The following ATP2C2 variants were observed in gnomAD, a reference collection of about 807,000 sequenced individuals.
The protein encoded by ATP2C2 is calcium-transporting ATPase type 2C member 2.
Under a neutral mutation model 110.8 loss-of-function variants are expected in ATP2C2, and 171 were observed. The observed-to-expected ratio is 1.54, with a 90% confidence interval of 1.36 to 1.75. ATP2C2 has a LOEUF of 1.75. ATP2C2 is among the 40% of genes most tolerant of loss of function. The probability of loss-of-function intolerance (pLI) is 0.00; values close to 1 mark genes in which losing one functional copy is unlikely to be tolerated. For synonymous variants in ATP2C2, 804 were observed against 508.4 expected (o/e 1.58, Z -7.82); for missense variants, 1,963 against 1,235.0 (o/e 1.59, Z -8.84).
intron 2 of ATP2C2, among the ~76,000 whole-genome samples, chr16:84,399,261 C>G (rs1211135262): frequency 1.3e-5 from 2 of 152,194 alleles, no homozygotes; most frequent in African/African-American, 4.8e-5. Context: ...AAGCTAGTGT[C>G]TTTTCTTGAG....
chr16:84,462,197 G>C (rs1265886843), intron 26 of ATP2C2, 68 bp downstream of exon 26: 11 of 1,564,864 alleles, frequency 7.0e-6, no homozygotes, highest in Non-Finnish European at 9.5e-6. Flanking sequence ...GCTGCCAGGT[G>C]GGGAGCTGCA....
Position 84,435,697 on chromosome 16 carries a change from G to A in ATP2C2, c.987-3469G>A, listed in dbSNP as rs867044622. Among the ~76,000 whole-genome samples, 7 of 107,400 alleles carry A rather than the reference G, an allele frequency of 6.5e-5. 1 individual carries two copies. The South Asian group carries it at 2.5e-3, about 38-fold the overall frequency. The allele number at this position is 107,400 out of a possible 152,430, so 70.5% of individuals were successfully genotyped here. A position where few individuals can be genotyped will look rare whatever the true frequency, so the allele number is the denominator to read the frequency against. On this transcript the variant is annotated intron_variant, in intron 11 of 26. Coordinates refer to ENST00000262429, the MANE Select transcript of ATP2C2 (RefSeq NM_014861.4). ...TTTAAATTAGGGAGTAAATAGTGGT[G>A]CATGCCTATGTCCCGGCTACCAGGG...
chr16:84,415,448 A>G (rs745923433), intron 6 of ATP2C2, 35 bp from the exon 7 acceptor site: 5 of 1,560,832 alleles, frequency 3.2e-6, no homozygotes, highest in Non-Finnish European at 4.4e-6. Context: ...AAATGTCAGC[A>G]TGGATGCTTT....
At chr16:84,416,198 C>T (rs1450398717) in intron 7 of ATP2C2, among the ~76,000 whole-genome samples, 1 of 152,154 alleles carries the variant, frequency 6.6e-6, no homozygotes, top group Non-Finnish European at 1.5e-5. Flanking sequence ...GGTTTGGGGA[C>T]ATTGGCTGTG....
intron 3 of ATP2C2, among the ~76,000 whole-genome samples, chr16:84,405,980 TAA>T (rs1905731966): frequency 1.3e-5 from 2 of 152,310 alleles, no homozygotes; most frequent in South Asian, 2.1e-4. Flanking sequence ...ATTTCTAGTA[TAA>T]GTGTGTCCCA....
intron 7 of ATP2C2, among the ~76,000 whole-genome samples, chr16:84,421,161 C>G (rs1907300254): frequency 6.6e-6 from 1 of 152,172 alleles, no homozygotes. Context: ...GTTCTTTGAG[C>G]CTCCTTCAAA....
Position 84,447,322 on chromosome 16 carries a change from C to G in ATP2C2, c.1503+892C>G, listed in dbSNP as rs187624463. The stretch of plus-strand genomic sequence containing the variant: ...ATAGATTTTCAAAAAACTTTTAGAC[C>G]TTTAAATCTTTTCCCTTGCAAGGCA... On this transcript the variant is annotated intron_variant, in intron 16 of 26. Coordinates refer to ENST00000262429, the MANE Select transcript of ATP2C2 (RefSeq NM_014861.4). 3.7e-3 allele frequency among the ~76,000 whole-genome samples: 570 copies of G among 152,212 alleles called. 3 individuals are homozygous for G. Among genetic ancestry groups the G allele is most frequent in the Non-Finnish European group, 6.9e-3 (468 of 68,010 alleles).
chr16:84,390,291 C>G (rs1046142507), intron 1 of ATP2C2, among the ~76,000 whole-genome samples: 2 of 152,220 alleles, frequency 1.3e-5, no homozygotes, highest in African/African-American at 4.8e-5. Context: ...GCCGCTGGCT[C>G]CCTTGCTCTG....
intron 11 of ATP2C2, among the ~76,000 whole-genome samples, chr16:84,427,607 C>T (rs1907912998): frequency 6.6e-6 from 1 of 152,094 alleles, no homozygotes; most frequent in South Asian, 2.1e-4. Flanking sequence ...ATCCCAGCTA[C>T]TCGGGAGGCT....
At chr16:84,380,653 G>A (rs1382875443) in intron 1 of ATP2C2, among the ~76,000 whole-genome samples, 1 of 152,272 alleles carries the variant, frequency 6.6e-6, no homozygotes, top group Non-Finnish European at 1.5e-5. Flanking sequence ...TACAGCCCAG[G>A]CTGCCTGGAT....
chr16:84,437,188 G>C (rs1908820843), intron 11 of ATP2C2, among the ~76,000 whole-genome samples: 1 of 152,092 alleles, frequency 6.6e-6, no homozygotes, highest in Admixed American at 6.6e-5. Flanking sequence ...GTCCATTTTA[G>C]AATATTTTAT....
rs1292648518 is a variant in ATP2C2 at position 84,410,777 on chromosome 16, C to T, written c.515+12C>T. On this transcript the variant is annotated intron_variant, in intron 6 of 26. Transcript: ENST00000262429. The stretch of plus-strand genomic sequence containing the variant: ...CCAGAATGTAACTGGTAAGTCAGAG[C>T]CTCCCTGGGACTTTTTGGTTCACTG... 6.2e-7 allele frequency: 1 copy of T among 1,612,910 alleles called. No individual in the cohort carries two copies. Among genetic ancestry groups the T allele is most frequent in the Non-Finnish European group, 8.5e-7 (1 of 1,178,990 alleles).
intron 20 of ATP2C2, 139 bp downstream of exon 20, chr16:84,453,510 C>T (rs1464863382): frequency 1.7e-6 from 2 of 1,161,402 alleles, no homozygotes; most frequent in Admixed American, 1.8e-5. Flanking sequence ...GGCAGCTGCC[C>T]CGGGAGTTAC....
At chr16:84,389,534 G>A (rs570445988) in intron 1 of ATP2C2, among the ~76,000 whole-genome samples, 1 of 152,276 alleles carries the variant, frequency 6.6e-6, no homozygotes, top group African/African-American at 2.4e-5. Flanking sequence ...GTGTTTATCT[G>A]GAGTGCAAAG....
At chr16:84,448,325 C>T (rs1201441426) in intron 16 of ATP2C2, among the ~76,000 whole-genome samples, 2 of 152,194 alleles carry the variant, frequency 1.3e-5, no homozygotes, top group African/African-American at 2.4e-5. Flanking sequence ...TGGCCTTGTT[C>T]TTTCTCTGGA....
At position 84,439,167 on chromosome 16, in the gene ATP2C2, C is replaced by T; in HGVS notation, c.988C>T (p.Leu330=). Residue 330 remains leucine, a splice_region_variant and synonymous_variant, in exon 12 of 27, where the codon CTG becomes TTG. Transcript: ENST00000262429. The stretch of plus-strand genomic sequence containing the variant: ...GACTCATTTGACCTTTCGATCCAGC[C>T]TGGCTGTGGCGGCCATTCCAGAGGG... ...LLSMFTIGVS[L]AVAAIPEGLP... 6.2e-7 allele frequency: 1 copy of T among 1,612,212 alleles called. No homozygotes were observed. The highest frequency in any genetic ancestry group is 1.7e-5 in the Admixed American group (1 of 60,032).
Position 84,439,592 on chromosome 16 carries a change from G to A in ATP2C2, c.1209+68G>A, listed in dbSNP as rs2150566742. 3 of 1,355,706 alleles carry A rather than the reference G, an allele frequency of 2.2e-6. No individual in the cohort carries two copies. In the East Asian group the frequency reaches 6.9e-5, roughly 31 times the overall value. The allele number at this position is 1,355,706 out of a possible 1,614,324, so 84.0% of individuals were successfully genotyped here. On this transcript the variant is annotated intron_variant, in intron 13 of 26. Coordinates refer to ENST00000262429, the MANE Select transcript of ATP2C2 (RefSeq NM_014861.4). ...CCAGGCTGTCTCCTTTCTAAACTAAGCACACAATGTCTTCTAGAACACAAT... is the reference window on the plus strand; with the variant it reads ...CCAGGCTGTCTCCTTTCTAAACTAAACACACAATGTCTTCTAGAACACAAT...
rs377115423 is a variant in ATP2C2 at position 84,439,245 on chromosome 16, A to G, written c.1066A>G (p.Lys356Glu). The G allele has an allele frequency of 2.0e-4, 326 of 1,612,290 alleles. 2 individuals are homozygous for G. The highest frequency in any genetic ancestry group is 1.6e-3 in the South Asian group (145 of 91,000). The part of the protein sequence containing the change: ...TLVLGVLRMA[K>E]KRVIVKKLPI... Reference sequence around the variant, plus strand: ...GGTCCTGGGAGTGCTGCGGATGGCCAAGAAGCGGGTCATCGTGAAGAAGTT... The same window carrying G: ...GGTCCTGGGAGTGCTGCGGATGGCCGAGAAGCGGGTCATCGTGAAGAAGTT... The change falls in exon 12 of 27, where the codon AAG becomes GAG. Residue 356 changes from lysine (K) to glutamate (E), a missense_variant. Transcript: ENST00000262429.
In ATP2C2 at chr16:84,389,670, G is replaced by C. The variant is rs544715676; in HGVS notation, c.100-8829G>C. On this transcript the variant is annotated intron_variant, in intron 1 of 26. Coordinates refer to ENST00000262429, the MANE Select transcript of ATP2C2 (RefSeq NM_014861.4). ...CACCGCTGTCACCCTAAGGCCCTCA[G>C]TGCTCCCTGGTGCTGGGCTCTGTGC... Among the ~76,000 whole-genome samples the C allele has an allele frequency of 1.2e-3, 181 of 151,222 alleles. 2 individuals carry two copies. The highest frequency in any genetic ancestry group is 4.4e-3 in the African/African-American group (179 of 41,126).
Sources: gnomAD v4.1 joint callset for allele counts (sites outside exome capture counted in the v4.1 genomes callset) on GRCh38, gnomAD v4.1.1 for gene constraint, MANE v1.5 for transcripts, NCBI Gene and HGNC (gene_info 2026-07-23, HGNC 2026-07-21) for gene names.